Variants in MDGA2 observed in about 807,000 individuals in gnomAD.
MDGA2 encodes the protein MAM domain containing glycosylphosphatidylinositol anchor 2, also known as MAM domain-containing glycosylphosphatidylinositol anchor protein 2.
A neutral mutation model predicts 117.8 loss-of-function variants in MDGA2; 40 were observed. The ratio of observed to expected loss-of-function variants is 0.34; its 90% CI spans 0.26 to 0.44. The LOEUF is 0.44. MDGA2 is among the 20% of genes least tolerant of loss of function. The pLI is 1.00. For missense variants in MDGA2, 1,123 were observed against 1,250.6 expected, an observed-to-expected ratio of 0.90 and a Z score of 1.54; for synonymous variants, 452 against 439.0, an observed-to-expected ratio of 1.03 and a Z score of -0.37.
intron 5 of MDGA2, among the ~76,000 whole-genome samples, chr14:47,103,613 C>T (rs930352600): frequency 6.6e-6 from 1 of 152,218 alleles, no homozygotes; most frequent in Non-Finnish European, 1.5e-5. Context: ...TTGAAGCCAA[C>T]ATGCATTTCT....
In MDGA2 at chr14:47,367,194, T is replaced by C. The variant is rs188194001; in HGVS notation, c.281-65644A>G. Among the ~76,000 whole-genome samples the C allele has an allele frequency of 1.4e-4, 22 of 152,332 alleles. No homozygotes were observed. In the East Asian group the frequency reaches 3.9e-3, roughly 27 times the overall value. ...TGGGATTAAGTAATCCATTAACTCT[T>C]ATGAGTAATTTCACAGGAAGTTGTA... On this transcript the variant is annotated intron_variant, in intron 1 of 16. Coordinates refer to ENST00000399232, the MANE Select transcript of MDGA2 (RefSeq NM_001113498.3).
chr14:47,517,531 A>C (rs967079268), intron 1 of MDGA2, among the ~76,000 whole-genome samples: 2 of 152,218 alleles, frequency 1.3e-5, no homozygotes, highest in African/African-American at 4.8e-5. Flanking sequence ...AAAATCACAT[A>C]TATGTAAATT....
rs150854763 is a variant in MDGA2, at chr14:47,245,299, A to G, written c.421-27104T>C. Among the ~76,000 whole-genome samples, 74 of 152,036 alleles carry G rather than the reference A, an allele frequency of 4.9e-4. 1 individual carries two copies. Among genetic ancestry groups the G allele is most frequent in the Admixed American group, 3.3e-3 (51 of 15,262 alleles). ...CCCTCTTGGCCTTATGATTTTCTTCATAACAGTTTCTTTTCTTTATCTTAC... is the reference window on the plus strand; with the variant it reads ...CCCTCTTGGCCTTATGATTTTCTTCGTAACAGTTTCTTTTCTTTATCTTAC... On this transcript the variant is annotated intron_variant, in intron 2 of 16. Coordinates refer to ENST00000399232, the MANE Select transcript of MDGA2 (RefSeq NM_001113498.3).
chr14:47,307,382 A>G (rs1889487526), intron 1 of MDGA2, among the ~76,000 whole-genome samples: 1 of 152,104 alleles, frequency 6.6e-6, no homozygotes, highest in Non-Finnish European at 1.5e-5. Context: ...ATGTTTTATT[A>G]TCAAAAAATT....
intron 2 of MDGA2, among the ~76,000 whole-genome samples, chr14:47,269,319 G>A (rs1002850630): frequency 4.6e-5 from 7 of 152,032 alleles, no homozygotes; most frequent in Non-Finnish European, 8.8e-5. Context: ...CATTCTGTAC[G>A]TGAAGAACAT....
chr14:47,436,507 G>A (rs954451677), intron 1 of MDGA2, among the ~76,000 whole-genome samples: 1 of 152,054 alleles, frequency 6.6e-6, no homozygotes, highest in South Asian at 2.1e-4. Flanking sequence ...CCCTGATGGA[G>A]TATGCCATAC....
chr14:47,595,970 A>T (rs1247607116), intron 1 of MDGA2, among the ~76,000 whole-genome samples: 1 of 122,402 alleles, frequency 8.2e-6, no homozygotes, highest in East Asian at 2.0e-4. Context: ...ATTTAATTAC[A>T]TTTTTATAAA....
chr14:47,486,781 T>C (rs781662928), intron 1 of MDGA2, among the ~76,000 whole-genome samples: 5 of 152,174 alleles, frequency 3.3e-5, no homozygotes, highest in Non-Finnish European at 7.4e-5. Flanking sequence ...CTGCCATCCA[T>C]GTAAGACATA....
chr14:46,844,128 A>G (rs1213400709), intron 16 of MDGA2, among the ~76,000 whole-genome samples: 2 of 152,192 alleles, frequency 1.3e-5, no homozygotes, highest in Admixed American at 6.5e-5. Flanking sequence ...AAAATTAAAT[A>G]TATCATTAAA....
At chr14:46,925,115 AT>A (rs1365611397) in intron 9 of MDGA2, among the ~76,000 whole-genome samples, 1 of 152,166 alleles carries the variant, frequency 6.6e-6, no homozygotes, top group Non-Finnish European at 1.5e-5. Context: ...TTACCATAAA[AT>A]TTTTTTGACT....
At chr14:46,952,974 A>G (rs1004250044) in intron 9 of MDGA2, among the ~76,000 whole-genome samples, 1 of 151,942 alleles carries the variant, frequency 6.6e-6, no homozygotes, top group African/African-American at 2.4e-5. Context: ...TAGGAAAATA[A>G]AGCCCAACAA....
At chr14:47,288,630 A>C (rs79098555) in intron 2 of MDGA2, among the ~76,000 whole-genome samples, 4,369 of 152,264 alleles carry the variant, frequency 0.029, 149 homozygotes, top group East Asian at 0.18. Context: ...CACAAGAAGC[A>C]GAAAAAGGAA....
chr14:47,005,195 T>A (rs1887668894), intron 8 of MDGA2, among the ~76,000 whole-genome samples: 1 of 151,654 alleles, frequency 6.6e-6, no homozygotes, highest in Admixed American at 6.6e-5. Flanking sequence ...ATGAAAGCAT[T>A]CAGTCTTTTA....
At chr14:47,083,333 AG>A (rs1594601905) in intron 6 of MDGA2, among the ~76,000 whole-genome samples, 1 of 151,902 alleles carries the variant, frequency 6.6e-6, no homozygotes, top group East Asian at 1.9e-4. Flanking sequence ...GCTAGGGCCT[AG>A]GGGGGTGGGG....
intron 1 of MDGA2, among the ~76,000 whole-genome samples, chr14:47,356,578 G>A (rs1890998362): frequency 6.6e-6 from 1 of 152,146 alleles, no homozygotes; most frequent in African/African-American, 2.4e-5. Context: ...TTAACAACAT[G>A]GTGGAAAGAA....
intron 9 of MDGA2, among the ~76,000 whole-genome samples, chr14:46,955,006 G>C (rs1885508338): frequency 6.6e-6 from 1 of 151,694 alleles, no homozygotes; most frequent in Non-Finnish European, 1.5e-5. Flanking sequence ...GACATAATGG[G>C]GTATAACATA....
chr14:47,011,112 G>C (rs769312601), intron 8 of MDGA2, among the ~76,000 whole-genome samples: 8 of 151,908 alleles, frequency 5.3e-5, no homozygotes, highest in Non-Finnish European at 1.0e-4. Context: ...TGAATTTGGA[G>C]CTGGGCAAAG....
chr14:47,363,562 T>A (rs1891171207), intron 1 of MDGA2, among the ~76,000 whole-genome samples: 1 of 151,958 alleles, frequency 6.6e-6, no homozygotes. Flanking sequence ...CTGGCCTGTA[T>A]CAAATTTATA....
chr14:47,569,729 C>T (rs886791786), intron 1 of MDGA2, among the ~76,000 whole-genome samples: 8 of 152,178 alleles, frequency 5.3e-5, no homozygotes, highest in Non-Finnish European at 1.0e-4. Context: ...CTAATTCATT[C>T]AGTTTACTAA....
Sources: gnomAD v4.1 joint callset for allele counts (sites outside exome capture counted in the v4.1 genomes callset) on GRCh38, gnomAD v4.1.1 for gene constraint, MANE v1.5 for transcripts, NCBI Gene and HGNC (gene_info 2026-07-23, HGNC 2026-07-21) for gene names.